CC2D2A: variants seen among roughly 807,000 people sequenced by gnomAD.
CC2D2A encodes coiled-coil and C2 domain containing 2A.
In CC2D2A, 155 loss-of-function variants were observed where a neutral mutation model predicts 212.9. The ratio of observed to expected loss-of-function variants is 0.73; its 90% confidence interval spans 0.64 to 0.83. The LOEUF is 0.83. Among genes scored for constraint, CC2D2A ranks in the 40% least tolerant of loss-of-function variants. CC2D2A has a pLI of 0.00. For missense variants in CC2D2A, 1,856 were observed against 1,956.2 expected (o/e 0.95, Z 0.97); for synonymous variants, 667 against 686.5 (o/e 0.97, Z 0.44).
At position 15,527,570 on chromosome 4, in the gene CC2D2A, C is replaced by A. The variant is rs953011440; in HGVS notation, c.1273C>A (p.His425Asn). 11 of 1,613,414 alleles carry A rather than the reference C, an allele frequency of 6.8e-6. No individual in the cohort carries two copies. Among genetic ancestry groups the A allele is most frequent in the South Asian group, 1.1e-5 (1 of 90,860 alleles). Residue 425 changes from histidine (H) to asparagine (N), a missense_variant, in exon 12 of 37, where the codon CAT becomes AAT. Physicochemically the swap from His to Asn is moderately conservative, Grantham distance 68 (BLOSUM62 1). Coordinates refer to ENST00000424120, the MANE Select transcript of CC2D2A (RefSeq NM_001378615.1). ...FTHHPCFSRE[H>N]VLAAKLAQLY... ...TCATCATCCCTGTTTTAGCCGAGAG[C>A]ATGTTTTGGCAGCCAAGCTGGCCCA...
rs754058720 is a variant in CC2D2A, at chr4:15,540,928, C to T, written c.2095C>T (p.Arg699Trp). 8.9e-6 allele frequency: 14 copies of T among 1,573,670 alleles called. No homozygotes were observed. Among genetic ancestry groups the T allele is most frequent in the South Asian group, 1.2e-5 (1 of 85,444 alleles). The change falls in exon 17 of 37, where the codon CGG becomes TGG. Residue 699 changes from arginine (R) to tryptophan (W), a missense_variant. Transcript: ENST00000424120. The stretch of plus-strand genomic sequence containing the variant: ...CAAGGAGGTGTCCAGGACAGTCAGT[C>T]GGCCACTAGGAGCAGACTTCCGAGT... ...NNKEVSRTVS[R>W]PLGADFRVHF...
chr4:15,553,528 G>A (rs145199321), intron 19 of CC2D2A, among the ~76,000 whole-genome samples: 40 of 152,138 alleles, frequency 2.6e-4, no homozygotes, highest in East Asian at 1.3e-3. Context: ...AGTGTTTATC[G>A]GTATTCGATA....
At chr4:15,560,385 G>A (rs1251328055) in intron 22 of CC2D2A, 146 bp from the exon 23 acceptor site, 5 of 534,286 alleles carry the variant, frequency 9.4e-6, no homozygotes, top group Non-Finnish European at 1.0e-5. Context: ...ACAGCAAGAG[G>A]AGACCAGCAT....
intron 22 of CC2D2A, 115 bp downstream of exon 22, chr4:15,559,372 G>T: frequency 1.5e-6 from 1 of 645,434 alleles, no homozygotes; most frequent in Non-Finnish European, 2.7e-6. Context: ...CACTTAGCTT[G>T]CATAAATTTC....
intron 17 of CC2D2A, among the ~76,000 whole-genome samples, chr4:15,541,221 A>G (rs1371613781): frequency 1.3e-5 from 2 of 151,842 alleles, no homozygotes; most frequent in Non-Finnish European, 2.9e-5. Context: ...CGGGAGGCTG[A>G]GGCAGGAGAA....
chr4:15,479,977 G>A lies in CC2D2A; in HGVS notation c.124-727G>A, dbSNP rs149027838. On this transcript the variant is annotated intron_variant, in intron 3 of 36. Coordinates refer to ENST00000424120, the MANE Select transcript of CC2D2A (RefSeq NM_001378615.1). ...ATAGGTTGGGAGCATTGCAAGAAAC[G>A]TAGTTGCACTCCAGAATCAGAATCA... 1.6e-4 allele frequency among the ~76,000 whole-genome samples: 24 copies of A among 152,314 alleles called. No individual in the cohort carries two copies. In the East Asian group the frequency reaches 3.3e-3, roughly 21 times the overall value.
Position 15,589,537 on chromosome 4 carries a change from T to G in CC2D2A, c.4180-8T>G. 3 of 1,610,992 alleles carry G rather than the reference T, an allele frequency of 1.9e-6. No homozygotes were observed. The highest frequency in any genetic ancestry group is 2.5e-6 in the Non-Finnish European group (3 of 1,178,064). On this transcript the variant is annotated splice_region_variant and splice_polypyrimidine_tract_variant and intron_variant, in intron 32 of 36. Transcript: ENST00000424120. Reference sequence around the variant, plus strand: ...TGAAAACTAGTTTTAATGGCCATCTTCTTTCAGGGTCCAACTGCCTATGTG... The same window carrying G: ...TGAAAACTAGTTTTAATGGCCATCTGCTTTCAGGGTCCAACTGCCTATGTG...
In CC2D2A at chr4:15,599,948, A is replaced by G. The variant is rs574581163; in HGVS notation, c.4674+242A>G. Among the ~76,000 whole-genome samples the G allele has an allele frequency of 2.6e-5, 4 of 152,372 alleles. No individual in the cohort carries two copies. The South Asian group carries it at 8.3e-4, about 32-fold the overall frequency. On this transcript the variant is annotated intron_variant, in intron 36 of 36. Transcript: ENST00000424120. The stretch of plus-strand genomic sequence containing the variant: ...TACCTTTTATGAAATACATTTACGT[A>G]TCAAAAAAATGAAAACATCTGGCTA...
chr4:15,596,059 T>G, intron 33 of CC2D2A, 26 bp from the exon 34 acceptor site: 3 of 1,521,014 alleles, frequency 2.0e-6, no homozygotes, highest in Non-Finnish European at 2.7e-6. Flanking sequence ...CTAACATATA[T>G]GCTAATGTAG....
At position 15,563,577 on chromosome 4, in the gene CC2D2A, A is replaced by G. The variant is rs1553839767; in HGVS notation, c.3182+55A>G. On this transcript the variant is annotated intron_variant, in intron 24 of 36. Transcript: ENST00000424120. ...AGTGTGCAGCATCCCAGCCAAGTCA[A>G]TCGCTCCTTTACAGCATACTCACTC... 3.2e-6 allele frequency: 5 copies of G among 1,559,474 alleles called. No individual in the cohort carries two copies. In the South Asian group the frequency reaches 3.5e-5, roughly 11 times the overall value.
Position 15,536,905 on chromosome 4 carries a change from C to A in CC2D2A, c.1608-15C>A. 1 of 1,609,448 alleles carries A rather than the reference C, an allele frequency of 6.2e-7. No individual in the cohort carries two copies. Among genetic ancestry groups the A allele is most frequent in the Non-Finnish European group, 8.5e-7 (1 of 1,177,934 alleles). ...ATTTCCAGAAATAACCAAGGGACTA[C>A]AAATTATTTTAAAGGGAAAAAGCTG... On this transcript the variant is annotated splice_polypyrimidine_tract_variant and intron_variant, in intron 14 of 36. Transcript: ENST00000424120.
intron 24 of CC2D2A, among the ~76,000 whole-genome samples, chr4:15,564,974 G>A (rs1157262106): frequency 2.0e-5 from 3 of 152,170 alleles, no homozygotes; most frequent in African/African-American, 7.2e-5. Flanking sequence ...ACTGCACCCG[G>A]CTCCTACATA....
rs2109007872 is a variant in CC2D2A, at chr4:15,511,436, A to G, written c.717+13A>G. 6.6e-7 allele frequency: 1 copy of G among 1,521,296 alleles called. No homozygotes were observed. 94.2% of individuals were successfully genotyped at this position (1,521,296 alleles called of 1,614,324 possible). ...AGGAAAGGAAATGGTATTTAATATC[A>G]GGATGGTAATGAGGTGTGGGTGGAG... On this transcript the variant is annotated intron_variant, in intron 8 of 36. Coordinates refer to ENST00000424120, the MANE Select transcript of CC2D2A (RefSeq NM_001378615.1).
chr4:15,552,007 T>A (rs1363395518), intron 18 of CC2D2A, among the ~76,000 whole-genome samples: 1 of 152,216 alleles, frequency 6.6e-6, no homozygotes, highest in Non-Finnish European at 1.5e-5. Context: ...ATAAAATGGA[T>A]CTATTAATAG....
intron 1 of CC2D2A, among the ~76,000 whole-genome samples, chr4:15,474,923 A>AT (rs1362598032): frequency 6.6e-6 from 1 of 152,172 alleles, no homozygotes; most frequent in Admixed American, 6.5e-5. Flanking sequence ...GTTTTGAGGG[A>AT]TTTTTCTATA....
intron 22 of CC2D2A, among the ~76,000 whole-genome samples, chr4:15,559,958 A>T (rs1462412222): frequency 6.6e-6 from 1 of 152,056 alleles, no homozygotes; most frequent in Non-Finnish European, 1.5e-5. Flanking sequence ...CAGCCTCTCG[A>T]ATAGCCAGGA....
Position 15,601,388 on chromosome 4 carries a change from T to G in CC2D2A, c.4826T>G (p.Val1609Gly). The G allele has an allele frequency of 1.3e-6, 2 of 1,572,390 alleles. No individual in the cohort carries two copies. The highest frequency in any genetic ancestry group is 1.7e-6 in the Non-Finnish European group (2 of 1,155,772). ...CCATACCCCAAAAATGTTTTGTCTG[T>G]TTGGATCTATGTTGCCTCTCTTATA... ...IHPYPKNVLS[V>G]WIYVASLIRN... The change falls in exon 37 of 37, where the codon GTT (valine) becomes GGT (glycine). Residue 1609 changes from valine (V) to glycine (G), a missense_variant. Val to Gly is a moderately radical substitution (Grantham distance 109). This residue lies in a region of CC2D2A where 285 missense variants were observed against 278.4 expected (regional missense o/e 1.02). Coordinates refer to ENST00000424120, the MANE Select transcript of CC2D2A (RefSeq NM_001378615.1).
chr4:15,589,556 C>G lies in CC2D2A; in HGVS notation c.4191C>G (p.Ala1397=), dbSNP rs1398517354. 1 of 1,611,988 alleles carries G rather than the reference C, an allele frequency of 6.2e-7. No individual in the cohort carries two copies. The highest frequency in any genetic ancestry group is 1.7e-5 in the Admixed American group (1 of 59,838). ...MGNAIPEGPT[A]YVLTWEQGRY... Reference sequence around the variant, plus strand: ...CCATCTTCTTTCAGGGTCCAACTGCCTATGTGCTAACTTGGGAGCAAGGTC... The same window carrying G: ...CCATCTTCTTTCAGGGTCCAACTGCGTATGTGCTAACTTGGGAGCAAGGTC... The change falls in exon 33 of 37, where the codon GCC becomes GCG. Residue 1397 remains alanine (A), a synonymous_variant. Coordinates refer to ENST00000424120, the MANE Select transcript of CC2D2A (RefSeq NM_001378615.1).
Position 15,596,097 on chromosome 4 carries a change from A to G in CC2D2A, c.4327A>G (p.Ile1443Val), listed in dbSNP as rs1312604845. Residue 1443 changes from isoleucine (I) to valine (V), a missense_variant, in exon 34 of 37, where the codon ATT (isoleucine) becomes GTT (valine). This residue lies in a region of CC2D2A where 285 missense variants were observed against 278.4 expected (regional missense o/e 1.02). Transcript: ENST00000424120. ...TTGTCTTTCTTAGATTTGGTTTAATATTCAACGATATGAATCTCCACTAAG... is the reference window on the plus strand; with the variant it reads ...TTGTCTTTCTTAGATTTGGTTTAATGTTCAACGATATGAATCTCCACTAAG... Reference protein sequence around the residue: ...LIGPDNIWFNIQRYESPLRIN... With the variant: ...LIGPDNIWFNVQRYESPLRIN... The G allele has an allele frequency of 2.6e-6, 4 of 1,547,372 alleles. No homozygotes were observed. The highest frequency in any genetic ancestry group is 3.5e-6 in the Non-Finnish European group (4 of 1,144,998).
Sources: allele counts gnomAD v4.1 joint callset (sites outside exome capture counted in the v4.1 genomes callset), GRCh38; gene constraint gnomAD v4.1.1; regional missense constraint gnomAD v4.1.1; transcripts MANE v1.5; gene names NCBI Gene and HGNC (gene_info 2026-07-23, HGNC 2026-07-21).